KBTBD8: variants seen among roughly 807,000 people sequenced by gnomAD.
The protein encoded by KBTBD8 is kelch repeat and BTB domain containing 8.
In KBTBD8, 31 loss-of-function variants were observed where a neutral mutation model predicts 53.5. The observed-to-expected ratio is 0.58, with a 90% confidence interval of 0.44 to 0.78. The LOEUF (loss-of-function observed/expected upper bound fraction) is 0.78, where lower values mean the gene tolerates loss of function less well. Among genes scored for constraint, KBTBD8 ranks in the 30% least tolerant of loss-of-function variants. The pLI is 0.00. For missense variants in KBTBD8, 642 were observed against 735.8 expected, an observed-to-expected ratio of 0.87 and a Z score of 1.48; for synonymous variants, 250 against 247.3, an observed-to-expected ratio of 1.01 and a Z score of -0.10.
At chr3:66,999,236 C>T in intron 2 of KBTBD8, 45 bp downstream of exon 2, 8 of 1,419,000 alleles carry the variant, frequency 5.6e-6, no homozygotes, top group Non-Finnish European at 8.0e-6. Flanking sequence ...CACCAAGCTC[C>T]CTTTCCCCCT....
In KBTBD8 at chr3:66,999,283, T is replaced by G. The variant is rs1045474134; in HGVS notation, c.227+92T>G. On this transcript the variant is annotated intron_variant, in intron 2 of 3. Coordinates refer to ENST00000417314, the MANE Select transcript of KBTBD8 (RefSeq NM_032505.3). ...ACTTGATGTTTATATTGAGATGCGA[T>G]AATGAAATGAAACCAATGACTTTGT... 1.1e-5 allele frequency: 11 copies of G among 991,124 alleles called. No homozygotes were observed. The Admixed American group carries it at 2.0e-4, about 18-fold the overall frequency. 61.4% of individuals were successfully genotyped at this position (991,124 alleles called of 1,614,324 possible).
chr3:66,998,533 C>T (rs1399223693), intron 1 of KBTBD8, among the ~76,000 whole-genome samples, 162 bp downstream of exon 1: 1 of 152,022 alleles, frequency 6.6e-6, no homozygotes, highest in Non-Finnish European at 1.5e-5. Flanking sequence ...GTGCGGAGGG[C>T]GGTGGGCGGT....
rs769324514 is a variant in KBTBD8 at position 67,007,940 on chromosome 3, A to G, written c.1361A>G (p.Tyr454Cys). 5 of 1,532,316 alleles carry G rather than the reference A, an allele frequency of 3.3e-6. No individual in the cohort carries two copies. The highest frequency in any genetic ancestry group is 2.3e-5 in the East Asian group (1 of 43,832). The allele number at this position is 1,532,316 out of a possible 1,614,324, so 94.9% of individuals were successfully genotyped here. Residue 454 changes from tyrosine (Y) to cysteine (C), a missense_variant, in exon 4 of 4, where the codon TAT becomes TGT. Tyr to Cys is a radical substitution (Grantham distance 194). Transcript: ENST00000417314. Reference protein sequence around the residue: ...YVLQGEFFLFYEPQKDYWGFL... With the variant: ...YVLQGEFFLFCEPQKDYWGFL... ...TTTTTAGGAGAATTTTTTCTCTTCT[A>G]TGAGCCTCAAAAAGACTACTGGGGT... is the stretch of plus-strand genomic sequence containing the variant.
chr3:66,998,941 C>A, intron 1 of KBTBD8, 40 bp from the exon 2 acceptor site: 1 of 1,475,078 alleles, frequency 6.8e-7, no homozygotes, highest in Non-Finnish European at 9.3e-7. Context: ...CCGTAACTGG[C>A]TCGGCACTTC....
chr3:66,998,394 C>A (rs1701981406), intron 1 of KBTBD8, 23 bp downstream of exon 1: 2 of 900,916 alleles, frequency 2.2e-6, no homozygotes, highest in Non-Finnish European at 2.8e-6. Context: ...GTGGCCAGGG[C>A]GGCGTGGAGG....
intron 2 of KBTBD8, among the ~76,000 whole-genome samples, chr3:67,002,964 A>G (rs1440725778): frequency 6.6e-6 from 1 of 152,012 alleles, no homozygotes; most frequent in African/African-American, 2.4e-5. Flanking sequence ...TCCTTTTTTC[A>G]TAGTTGGCAC....
chr3:67,004,926 G>A (rs964722856), intron 3 of KBTBD8, among the ~76,000 whole-genome samples: 5 of 151,996 alleles, frequency 3.3e-5, no homozygotes, highest in Admixed American at 1.3e-4. Flanking sequence ...TTTTTTCACC[G>A]GAAAACTTTG....
In KBTBD8 at chr3:67,008,223, C is replaced by T. The variant is rs201677673; in HGVS notation, c.1644C>T (p.His548=). 9.7e-5 allele frequency: 157 copies of T among 1,613,942 alleles called. No homozygotes were observed. Among genetic ancestry groups the T allele is most frequent in the Non-Finnish European group, 1.2e-4 (139 of 1,179,994 alleles). The change falls in exon 4 of 4, where the codon CAC becomes CAT. Residue 548 remains histidine (H), a synonymous_variant. Coordinates refer to ENST00000417314, the MANE Select transcript of KBTBD8 (RefSeq NM_032505.3). Reference sequence around the variant, plus strand: ...CTACTCAAGTGACTGTTGAAGAACACGTCTTCAGAACCAGCAGAAAAAATT... The same window carrying T: ...CTACTCAAGTGACTGTTGAAGAACATGTCTTCAGAACCAGCAGAAAAAATT... ...VRATQVTVEE[H]VFRTSRKNSL...
chr3:67,007,294 A>G (rs141575802), intron 3 of KBTBD8, among the ~76,000 whole-genome samples: 326 of 151,354 alleles, frequency 2.2e-3, no homozygotes, highest in African/African-American at 7.7e-3. Context: ...CACAAATTGG[A>G]TAGAGCAAAT....
At chr3:66,999,224 T>G (rs1701993086) in intron 2 of KBTBD8, 33 bp downstream of exon 2, 1 of 1,522,460 alleles carries the variant, frequency 6.6e-7, no homozygotes. Flanking sequence ...TGTTGGTATC[T>G]GCACCAAGCT....
chr3:66,998,625 C>T (rs1701984610), intron 1 of KBTBD8, among the ~76,000 whole-genome samples: 1 of 152,064 alleles, frequency 6.6e-6, no homozygotes, highest in Non-Finnish European at 1.5e-5. Flanking sequence ...GAGGGGGCAC[C>T]GGCGGCCGCC....
At position 67,008,164 on chromosome 3, in the gene KBTBD8, C is replaced by G. The variant is rs946756795; in HGVS notation, c.1585C>G (p.Leu529Val). The change falls in exon 4 of 4, where the codon CTT (leucine) becomes GTT (valine). Residue 529 changes from leucine to valine, a missense_variant. Coordinates refer to ENST00000417314, the MANE Select transcript of KBTBD8 (RefSeq NM_032505.3). Reference sequence around the variant, plus strand: ...CATAAATCCATACCTTAAACTGGTACTTTTCCAGAACAAACTCCATTTATT... The same window carrying G: ...CATAAATCCATACCTTAAACTGGTAGTTTTCCAGAACAAACTCCATTTATT... ...QSINPYLKLV[L>V]FQNKLHLFVR... The G allele has an allele frequency of 5.6e-6, 9 of 1,613,998 alleles. No homozygotes were observed. The Admixed American group carries it at 6.7e-5, about 12-fold the overall frequency.
At chr3:67,002,588 C>T (rs569086005) in intron 2 of KBTBD8, among the ~76,000 whole-genome samples, 10 of 149,304 alleles carry the variant, frequency 6.7e-5, no homozygotes, top group African/African-American at 2.0e-4. Context: ...CTGCAACCTC[C>T]GCCTTCCGGG....
In KBTBD8 at chr3:66,998,937, C is replaced by T. The variant is rs1246040180; in HGVS notation, c.17-44C>T. On this transcript the variant is annotated intron_variant, in intron 1 of 3. Coordinates refer to ENST00000417314, the MANE Select transcript of KBTBD8 (RefSeq NM_032505.3). ...ACAGAAAAATCCCGCGATGCCGTAA[C>T]TGGCTCGGCACTTCTTGTAGTTGTA... 1.0e-5 allele frequency: 15 copies of T among 1,459,666 alleles called. No individual in the cohort carries two copies. In the Admixed American group the frequency reaches 2.9e-4, roughly 29 times the overall value. The allele number at this position is 1,459,666 out of a possible 1,614,324, so 90.4% of individuals were successfully genotyped here.
rs1202273568 is a variant in KBTBD8, at chr3:67,008,832, A to C, written c.*447A>C. 6.3e-6 allele frequency: 1 copy of C among 159,210 alleles called. No individual in the cohort carries two copies. The highest frequency in any genetic ancestry group is 2.4e-5 in the African/African-American group (1 of 41,536). The allele number at this position is 159,210 out of a possible 1,614,324, so 9.9% of individuals were successfully genotyped here. On this transcript the variant is annotated 3_prime_UTR_variant, in exon 4 of 4. Coordinates refer to ENST00000417314, the MANE Select transcript of KBTBD8 (RefSeq NM_032505.3). ...GACCTCTCTAACACAGAGAAGCACT[A>C]ACTTAGATCCTCATTCTTAATATTT...
rs142394861 is a variant in KBTBD8 at position 67,004,275 on chromosome 3, T to C, written c.1308T>C (p.Ala436=). Residue 436 remains alanine (A), a synonymous_variant, in exon 3 of 4, where the codon GCT becomes GCC. Coordinates refer to ENST00000417314, the MANE Select transcript of KBTBD8 (RefSeq NM_032505.3). ...CAGTTGCAATGGAATTTCATAATGCTGTGGAGTACAAAGAGAAGATCTATG... is the reference window on the plus strand; with the variant it reads ...CAGTTGCAATGGAATTTCATAATGCCGTGGAGTACAAAGAGAAGATCTATG... ...AMPVAMEFHN[A]VEYKEKIYVL... is the part of the protein sequence containing the mutation. 28 of 1,614,056 alleles carry C rather than the reference T, an allele frequency of 1.7e-5. No individual in the cohort carries two copies. The highest frequency in any genetic ancestry group is 5.0e-5 in the Admixed American group (3 of 60,018).
chr3:67,003,816 T>C lies in KBTBD8; in HGVS notation c.849T>C (p.Thr283=). 1.2e-6 allele frequency: 2 copies of C among 1,614,230 alleles called. No homozygotes were observed. The highest frequency in any genetic ancestry group is 1.7e-6 in the Non-Finnish European group (2 of 1,180,048). Residue 283 remains threonine, a synonymous_variant, in exon 3 of 4, where the codon ACT becomes ACC. Coordinates refer to ENST00000417314, the MANE Select transcript of KBTBD8 (RefSeq NM_032505.3). The stretch of plus-strand genomic sequence containing the variant: ...GCTGTACACAGAGGCTTGGAATGAC[T>C]GCTTCTGAAATGATCATATGTTTTG... ...TNGCTQRLGM[T]ASEMIICFDA...
Position 67,008,516 on chromosome 3 carries a change from T to C in KBTBD8, c.*131T>C, listed in dbSNP as rs946384183. 2.3e-5 allele frequency: 14 copies of C among 616,976 alleles called. No individual in the cohort carries two copies. Among genetic ancestry groups the C allele is most frequent in the Non-Finnish European group, 3.6e-5 (13 of 365,354 alleles). 38.2% of individuals were successfully genotyped at this position (616,976 alleles called of 1,614,324 possible). ...CATGGAAAATGGGTATGCTTAAAGA[T>C]TGCAGGGTAGGGAGGGATTTTCCTT... On this transcript the variant is annotated 3_prime_UTR_variant, in exon 4 of 4. Transcript: ENST00000417314.
Position 67,008,038 on chromosome 3 carries a change from G to C in KBTBD8, c.1459G>C (p.Ala487Pro), listed in dbSNP as rs779539393. 1 of 1,613,704 alleles carries C rather than the reference G, an allele frequency of 6.2e-7. No individual in the cohort carries two copies. Among genetic ancestry groups the C allele is most frequent in the South Asian group, 1.1e-5 (1 of 91,074 alleles). ...AVYKDSIYYI[A>P]GTCGNHQRMF... ...ATACAAGGACTCTATCTACTACATA[G>C]CTGGAACCTGTGGAAATCATCAACG... is the stretch of plus-strand genomic sequence containing the variant. The change falls in exon 4 of 4, where the codon GCT becomes CCT. Residue 487 changes from alanine to proline, a missense_variant. Ala to Pro is a conservative substitution (Grantham distance 27, BLOSUM62 -1). Transcript: ENST00000417314.
Sources: allele counts gnomAD v4.1 joint callset (sites outside exome capture counted in the v4.1 genomes callset), GRCh38; gene constraint gnomAD v4.1.1; transcripts MANE v1.5; gene names NCBI Gene and HGNC (gene_info 2026-07-23, HGNC 2026-07-21).